MARCHF1: variants seen among roughly 807,000 people sequenced by gnomAD.
The protein encoded by MARCHF1 is E3 ubiquitin-protein ligase MARCHF1.
Under a neutral mutation model 54.2 loss-of-function variants are expected in MARCHF1, and 40 were observed. The observed-to-expected ratio is 0.74, with a 90% confidence interval of 0.57 to 0.96. The LOEUF (loss-of-function observed/expected upper bound fraction) is 0.96, where lower values mean the gene tolerates loss of function less well. MARCHF1 is among the 40% of genes least tolerant of loss of function. MARCHF1 has a pLI of 0.00. For missense variants in MARCHF1, 586 were observed against 656.5 expected, an observed-to-expected ratio of 0.89 and a Z score of 1.17; for synonymous variants, 236 against 236.3, an observed-to-expected ratio of 1.00 and a Z score of 0.01.
chr4:164,351,432 C>T (rs556376151), intron 1 of MARCHF1, among the ~76,000 whole-genome samples: 111 of 150,716 alleles, frequency 7.4e-4, no homozygotes, highest in African/African-American at 2.5e-3. Flanking sequence ...GGCAGACTGC[C>T]TCCTCAAGTG....
At position 164,340,871 on chromosome 4, in the gene MARCHF1, C is replaced by T. The variant is rs147494154; in HGVS notation, c.-323+42999G>A. Among the ~76,000 whole-genome samples the T allele has an allele frequency of 3.9e-3, 568 of 146,534 alleles. 4 individuals are homozygous for T. Among genetic ancestry groups the T allele is most frequent in the African/African-American group, 0.013 (527 of 39,130 alleles). ...CTGTGCTGGGCCCAAATTCATTTTT[C>T]TAAGGCCAACATTACCTTGATACCA... is the stretch of plus-strand genomic sequence containing the variant. On this transcript the variant is annotated intron_variant, in intron 1 of 9. Transcript: ENST00000514618.
chr4:163,947,157 T>C (rs910180787), intron 3 of MARCHF1, among the ~76,000 whole-genome samples: 2 of 152,190 alleles, frequency 1.3e-5, no homozygotes, highest in Admixed American at 1.3e-4. Context: ...AAATTTCAAT[T>C]TGAATTCACT....
At chr4:163,531,528 T>C (rs1329038639) in intron 9 of MARCHF1, among the ~76,000 whole-genome samples, 1 of 151,794 alleles carries the variant, frequency 6.6e-6, no homozygotes, top group Non-Finnish European at 1.5e-5. Flanking sequence ...CCCCCTAAGA[T>C]CAGGAACAAG....
chr4:164,041,989 A>G (rs916714674), intron 2 of MARCHF1, among the ~76,000 whole-genome samples: 1 of 152,198 alleles, frequency 6.6e-6, no homozygotes, highest in African/African-American at 2.4e-5. Context: ...TTCCCTATTC[A>G]CATGACTTAT....
At chr4:164,103,923 T>C (rs1210278602) in intron 2 of MARCHF1, among the ~76,000 whole-genome samples, 1 of 149,140 alleles carries the variant, frequency 6.7e-6, no homozygotes, top group African/African-American at 2.6e-5. Flanking sequence ...TAAAAAATGA[T>C]AAAGGGGATA....
chr4:164,063,901 C>G (rs1196976402), intron 2 of MARCHF1, among the ~76,000 whole-genome samples: 1 of 152,028 alleles, frequency 6.6e-6, no homozygotes, highest in African/African-American at 2.4e-5. Context: ...ATCCCAGCAC[C>G]ATTTATTTAA....
chr4:163,664,806 A>T (rs193152368), intron 5 of MARCHF1, among the ~76,000 whole-genome samples: 2 of 152,232 alleles, frequency 1.3e-5, no homozygotes, highest in Admixed American at 1.3e-4. Flanking sequence ...CAATAAAGAC[A>T]TTCTATCAGC....
In MARCHF1 at chr4:163,548,175, TG is replaced by T; in HGVS notation, c.1192-2433del. Among the ~76,000 whole-genome samples, 4 of 152,356 alleles carry T rather than the reference TG, an allele frequency of 2.6e-5. No individual in the cohort carries two copies. The Middle Eastern group carries it at 0.014, about 518-fold the overall frequency. On this transcript the variant is annotated intron_variant, in intron 8 of 9. Transcript: ENST00000514618. ...CATATAATCATAGAATATTATTATT[TG>T]GCAATAGCATTTTGCAATTTAATAA...
At chr4:163,628,097 T>C (rs1741936814) in intron 5 of MARCHF1, among the ~76,000 whole-genome samples, 2 of 151,910 alleles carry the variant, frequency 1.3e-5, no homozygotes, top group Admixed American at 1.3e-4. Context: ...ATATAAAAAT[T>C]AAAAAAATTG....
At chr4:164,182,341 A>G (rs909739178) in intron 1 of MARCHF1, among the ~76,000 whole-genome samples, 1 of 152,028 alleles carries the variant, frequency 6.6e-6, no homozygotes. Context: ...TCTATAAAAT[A>G]TTTTCAAAAA....
At chr4:163,950,788 A>G (rs1324215185) in intron 3 of MARCHF1, among the ~76,000 whole-genome samples, 1 of 152,264 alleles carries the variant, frequency 6.6e-6, no homozygotes, top group Non-Finnish European at 1.5e-5. Flanking sequence ...ATACTAATTT[A>G]TAAGATTATT....
intron 1 of MARCHF1, among the ~76,000 whole-genome samples, chr4:164,176,966 C>A (rs1406902029): frequency 0.13 from 5,825 of 45,432 alleles, 829 homozygotes; most frequent in Non-Finnish European, 0.18. Context: ...CTCTCTCTCT[C>A]TCTCTCTCTC....
intron 7 of MARCHF1, among the ~76,000 whole-genome samples, chr4:163,587,827 C>A (rs202025469): frequency 6.7e-6 from 1 of 149,410 alleles, no homozygotes; most frequent in Non-Finnish European, 1.5e-5. Flanking sequence ...TTAAAAAAAT[C>A]TACATAATTG....
Position 163,680,665 on chromosome 4 carries a change from C to G in MARCHF1, c.162+20148G>C, listed in dbSNP as rs1744072816. 5.9e-5 allele frequency among the ~76,000 whole-genome samples: 9 copies of G among 152,162 alleles called. 1 individual carries two copies. Among genetic ancestry groups the G allele is most frequent in the Admixed American group, 5.9e-4 (9 of 15,276 alleles). ...CTAGGAGTGTTTCTTGCCATTCTAT[C>G]TTTAGACTTCTAAACTTTTTTTCTA... On this transcript the variant is annotated intron_variant, in intron 5 of 9. Coordinates refer to ENST00000514618, the MANE Select transcript of MARCHF1 (RefSeq NM_001394959.1).
intron 1 of MARCHF1, among the ~76,000 whole-genome samples, chr4:164,158,420 C>T (rs1730134393): frequency 1.3e-5 from 2 of 152,170 alleles, no homozygotes; most frequent in East Asian, 3.9e-4. Flanking sequence ...GCAGGTGGAT[C>T]ACCTGAGGTC....
At position 163,779,310 on chromosome 4, in the gene MARCHF1, T is replaced by A. The variant is rs148897985; in HGVS notation, c.111+74711A>T. ...GAGTGTTATAAGTAATAGTTAAATA[T>A]ATGAAAGATAAGTCAAGATGGAGAA... On this transcript the variant is annotated intron_variant, in intron 4 of 9. Transcript: ENST00000514618. 2.9e-3 allele frequency among the ~76,000 whole-genome samples: 441 copies of A among 152,292 alleles called. 3 individuals are homozygous for A. Among genetic ancestry groups the A allele is most frequent in the African/African-American group, 9.9e-3 (411 of 41,564 alleles).
chr4:163,726,566 G>A (rs35848279), intron 4 of MARCHF1, among the ~76,000 whole-genome samples: 69,533 of 151,956 alleles, frequency 0.46, 16,008 homozygotes, highest in Admixed American at 0.49. Context: ...GCTGCTATAT[G>A]CATTCATGTG....
chr4:163,714,669 A>G (rs937726076), intron 4 of MARCHF1, among the ~76,000 whole-genome samples: 1 of 151,876 alleles, frequency 6.6e-6, no homozygotes, highest in Non-Finnish European at 1.5e-5. Flanking sequence ...ATGCTATTTT[A>G]TTTTTCTTTT....
rs4691116 is a variant in MARCHF1, at chr4:164,348,059, T to C, written c.-323+35811A>G. The stretch of plus-strand genomic sequence containing the variant: ...TAAGCATAAATTAAATGAAAAAGAA[T>C]TGAACACTTGCCTGTGGGAGGTGGT... On this transcript the variant is annotated intron_variant, in intron 1 of 9. Transcript: ENST00000514618. Among the ~76,000 whole-genome samples the C allele has an allele frequency of 6.5e-3, 986 of 152,254 alleles. 29 individuals are homozygous for C. The highest frequency in any genetic ancestry group is 0.053 in the Admixed American group (808 of 15,288).
Sources: allele counts gnomAD v4.1 joint callset (sites outside exome capture counted in the v4.1 genomes callset), GRCh38; gene constraint gnomAD v4.1.1; transcripts MANE v1.5; gene names NCBI Gene and HGNC (gene_info 2026-07-23, HGNC 2026-07-21).